Variants in LRRC4C observed in about 807,000 individuals in gnomAD.
LRRC4C encodes leucine rich repeat containing 4C.
In LRRC4C, 5 loss-of-function variants were observed where a neutral mutation model predicts 33.6. The observed-to-expected ratio is 0.15, with a 90% CI of 0.08 to 0.31. The LOEUF (loss-of-function observed/expected upper bound fraction) is 0.31. Among genes scored for constraint, LRRC4C ranks in the 10% least tolerant of loss-of-function variants. LRRC4C has a pLI of 1.00. For missense variants in LRRC4C, 560 were observed against 796.7 expected, an observed-to-expected ratio of 0.70 and a Z score of 3.58; for synonymous variants, 329 against 302.0, an observed-to-expected ratio of 1.09 and a Z score of -0.93.
chr11:41,395,883 G>T (rs1281326074), intron 1 of LRRC4C, among the ~76,000 whole-genome samples: 2 of 151,922 alleles, frequency 1.3e-5, no homozygotes, highest in African/African-American at 4.8e-5. Flanking sequence ...GAATCTCAGG[G>T]AACTAAAAGT....
intron 3 of LRRC4C, among the ~76,000 whole-genome samples, chr11:40,441,935 G>A (rs1189375896): frequency 6.6e-6 from 1 of 152,054 alleles, no homozygotes. Flanking sequence ...GGCCGAGGCG[G>A]GTGGATCACC....
chr11:40,461,713 A>G (rs541821207), intron 3 of LRRC4C, among the ~76,000 whole-genome samples: 2 of 147,646 alleles, frequency 1.4e-5, no homozygotes, highest in Admixed American at 6.7e-5. Context: ...TATATCTTAT[A>G]CATATAATCA....
intron 2 of LRRC4C, among the ~76,000 whole-genome samples, chr11:40,723,917 C>T (rs762853320): frequency 6.6e-6 from 1 of 151,948 alleles, no homozygotes; most frequent in African/African-American, 2.4e-5. Flanking sequence ...GGAGAAATAT[C>T]TACAATGCAA....
intron 3 of LRRC4C, among the ~76,000 whole-genome samples, chr11:40,382,757 G>C (rs997854683): frequency 1.2e-4 from 15 of 129,890 alleles, no homozygotes; most frequent in African/African-American, 3.9e-4. Flanking sequence ...TCAGTGGCTC[G>C]ATCTCCGCTC....
At chr11:40,727,704 A>G (rs548178989) in intron 2 of LRRC4C, among the ~76,000 whole-genome samples, 1 of 152,290 alleles carries the variant, frequency 6.6e-6, no homozygotes, top group South Asian at 2.1e-4. Flanking sequence ...AAACAAAGCA[A>G]CAAGAAAAAA....
At chr11:40,187,244 A>G (rs893205021) in intron 5 of LRRC4C, among the ~76,000 whole-genome samples, 9 of 151,900 alleles carry the variant, frequency 5.9e-5, no homozygotes, top group African/African-American at 1.9e-4. Context: ...AACTCTTAAC[A>G]CTGCTCGGGA....
At chr11:41,227,613 T>A (rs968746981) in intron 1 of LRRC4C, among the ~76,000 whole-genome samples, 5 of 152,028 alleles carry the variant, frequency 3.3e-5, no homozygotes, top group African/African-American at 1.2e-4. Flanking sequence ...GATCCTCCCA[T>A]CTCAGCCTCC....
intron 1 of LRRC4C, among the ~76,000 whole-genome samples, chr11:40,999,316 T>G (rs1438727536): frequency 6.6e-6 from 1 of 152,136 alleles, no homozygotes; most frequent in African/African-American, 2.4e-5. Flanking sequence ...TAAATTGAGA[T>G]GGAAACTTTG....
intron 2 of LRRC4C, among the ~76,000 whole-genome samples, chr11:40,708,676 G>T (rs1466321512): frequency 6.6e-6 from 1 of 152,168 alleles, no homozygotes; most frequent in African/African-American, 2.4e-5. Flanking sequence ...GTGCTGAGAA[G>T]AATGTATATT....
intron 3 of LRRC4C, among the ~76,000 whole-genome samples, chr11:40,498,863 A>T (rs1954604086): frequency 6.6e-6 from 1 of 152,202 alleles, no homozygotes; most frequent in African/African-American, 2.4e-5. Flanking sequence ...TTTACTGGAA[A>T]AATAGGCTTT....
At chr11:41,192,432 T>C (rs144690291) in intron 1 of LRRC4C, among the ~76,000 whole-genome samples, 2,539 of 151,330 alleles carry the variant, frequency 0.017, 30 homozygotes, top group Middle Eastern at 0.068. Flanking sequence ...CACATATATA[T>C]ACATAGAAAT....
chr11:40,581,819 C>T (rs1169348857), intron 3 of LRRC4C, among the ~76,000 whole-genome samples: 1 of 152,144 alleles, frequency 6.6e-6, no homozygotes, highest in Admixed American at 6.5e-5. Flanking sequence ...AGGAGAATCG[C>T]TTGAACCTGA....
intron 6 of LRRC4C, among the ~76,000 whole-genome samples, chr11:40,128,758 T>G (rs1219078376): frequency 6.6e-6 from 1 of 152,154 alleles, no homozygotes; most frequent in South Asian, 2.1e-4. Context: ...ACCTTTGTAC[T>G]AGGATTCCCT....
chr11:40,126,689 GGT>G (rs756333628), intron 6 of LRRC4C, among the ~76,000 whole-genome samples: 245 of 152,186 alleles, frequency 1.6e-3, no homozygotes, highest in Middle Eastern at 3.4e-3. Context: ...GGACGGGCGT[GGT>G]GGCTCACATC....
At chr11:40,389,279 A>G (rs1949241919) in intron 3 of LRRC4C, among the ~76,000 whole-genome samples, 1 of 152,158 alleles carries the variant, frequency 6.6e-6, no homozygotes, top group African/African-American at 2.4e-5. Flanking sequence ...AAAATGGAAA[A>G]GCATTCTGTG....
chr11:40,335,600 T>G (rs1780633868), intron 3 of LRRC4C, among the ~76,000 whole-genome samples: 2 of 152,256 alleles, frequency 1.3e-5, no homozygotes, highest in Admixed American at 6.5e-5. Context: ...TTGTTAGATG[T>G]GCCAAATTCA....
At chr11:41,012,738 C>A (rs1383691077) in intron 1 of LRRC4C, among the ~76,000 whole-genome samples, 2 of 152,094 alleles carry the variant, frequency 1.3e-5, no homozygotes, top group Non-Finnish European at 2.9e-5. Context: ...ACATTCTCAC[C>A]AGTATCCATT....
intron 1 of LRRC4C, among the ~76,000 whole-genome samples, chr11:41,258,595 C>T (rs1948877307): frequency 6.6e-6 from 1 of 151,528 alleles, no homozygotes; most frequent in African/African-American, 2.4e-5. Context: ...ATCTAACTTG[C>T]TAAATATATA....
At chr11:40,753,148 G>T (rs975162090) in intron 2 of LRRC4C, among the ~76,000 whole-genome samples, 7 of 151,916 alleles carry the variant, frequency 4.6e-5, no homozygotes, top group Non-Finnish European at 1.0e-4. Flanking sequence ...GTGTAAGGAT[G>T]GGAGGGGGAA....
Sources: allele counts gnomAD v4.1 joint callset (sites outside exome capture counted in the v4.1 genomes callset), GRCh38; gene constraint gnomAD v4.1.1; transcripts MANE v1.5; gene names NCBI Gene and HGNC (gene_info 2026-07-23, HGNC 2026-07-21).